The following FBXL7 variants were observed in gnomAD, a reference collection of about 807,000 sequenced individuals.
The protein encoded by FBXL7 is F-box/LRR-repeat protein 7.
A neutral mutation model predicts 38.3 loss-of-function variants in FBXL7; 12 were observed. The observed-to-expected ratio is 0.31, with a 90% CI of 0.20 to 0.51. FBXL7 has a LOEUF of 0.51. Ranked by LOEUF, FBXL7 falls within the 20% of genes least tolerant of loss-of-function variation. The probability of loss-of-function intolerance (pLI) is 0.98; values close to 1 mark genes in which losing one functional copy is unlikely to be tolerated. For synonymous variants in FBXL7, 297 were observed against 300.9 expected (o/e 0.99, Z 0.13); for missense variants, 567 against 676.4 (o/e 0.84, Z 1.79).
rs557471078 is a variant in FBXL7, at chr5:15,913,870, G to A, written c.128-14020G>A. 2.6e-5 allele frequency among the ~76,000 whole-genome samples: 4 copies of A among 152,218 alleles called. No homozygotes were observed. The South Asian group carries it at 6.2e-4, about 24-fold the overall frequency. ...AAGACAGGGAATTAGAAATACTGTC[G>A]CTTCCACACTGTCAAAGAGAAGCCA... On this transcript the variant is annotated intron_variant, in intron 2 of 3. Coordinates refer to ENST00000504595, the MANE Select transcript of FBXL7 (RefSeq NM_012304.5).
chr5:15,839,482 A>G (rs539874127), intron 2 of FBXL7, among the ~76,000 whole-genome samples: 2 of 152,122 alleles, frequency 1.3e-5, no homozygotes, highest in Admixed American at 6.5e-5. Context: ...AATATTGCAT[A>G]TATCTTTTTT....
At chr5:15,825,073 C>G (rs1277839430) in intron 2 of FBXL7, among the ~76,000 whole-genome samples, 1 of 151,926 alleles carries the variant, frequency 6.6e-6, no homozygotes, top group Non-Finnish European at 1.5e-5. Context: ...TTATTTTAAG[C>G]CAAAGTAAAT....
intron 2 of FBXL7, among the ~76,000 whole-genome samples, chr5:15,748,152 G>T (rs1736062737): frequency 6.6e-6 from 1 of 151,926 alleles, no homozygotes; most frequent in South Asian, 2.1e-4. Context: ...GGGAGGGGGT[G>T]AGGTACTACT....
chr5:15,639,380 G>A (rs2126553354), intron 2 of FBXL7, among the ~76,000 whole-genome samples: 1 of 152,234 alleles, frequency 6.6e-6, no homozygotes, highest in South Asian at 2.1e-4. Context: ...ATGGGGGTGG[G>A]TCTTTCCCAT....
intron 2 of FBXL7, among the ~76,000 whole-genome samples, chr5:15,674,232 T>C (rs1047645310): frequency 6.6e-6 from 1 of 152,222 alleles, no homozygotes; most frequent in Non-Finnish European, 1.5e-5. Context: ...ACATATATGA[T>C]GTTAATGTTA....
chr5:15,787,361 G>A (rs1469071684), intron 2 of FBXL7, among the ~76,000 whole-genome samples: 1 of 152,156 alleles, frequency 6.6e-6, no homozygotes, highest in Non-Finnish European at 1.5e-5. Context: ...AGAGCTGCCT[G>A]GAAAGGTCTT....
intron 2 of FBXL7, among the ~76,000 whole-genome samples, chr5:15,746,102 G>A (rs1017132731): frequency 1.3e-5 from 2 of 152,128 alleles, no homozygotes; most frequent in Admixed American, 6.5e-5. Context: ...TGTAGAGTGT[G>A]GTAGAATGAT....
intron 1 of FBXL7, among the ~76,000 whole-genome samples, chr5:15,524,036 G>T (rs188400366): frequency 1.3e-5 from 2 of 152,156 alleles, no homozygotes; most frequent in African/African-American, 2.4e-5. Context: ...TGATATAGGG[G>T]TTTAATTTAG....
At chr5:15,758,277 G>A (rs1180702466) in intron 2 of FBXL7, among the ~76,000 whole-genome samples, 2 of 151,058 alleles carry the variant, frequency 1.3e-5, no homozygotes, top group Non-Finnish European at 2.9e-5. Context: ...TCTTTATATA[G>A]TCTTAAGGCG....
At chr5:15,528,906 T>C (rs915230135) in intron 1 of FBXL7, among the ~76,000 whole-genome samples, 1 of 152,242 alleles carries the variant, frequency 6.6e-6, no homozygotes, top group Admixed American at 6.5e-5. Context: ...TAAACGTGCA[T>C]GACCTCAAAT....
intron 2 of FBXL7, among the ~76,000 whole-genome samples, chr5:15,703,068 G>A (rs1177890675): frequency 6.6e-6 from 1 of 152,200 alleles, no homozygotes; most frequent in Non-Finnish European, 1.5e-5. Flanking sequence ...AATGTCATCA[G>A]TTAAGGCAGG....
intron 2 of FBXL7, among the ~76,000 whole-genome samples, chr5:15,681,046 T>C (rs1742828974): frequency 6.6e-6 from 1 of 152,118 alleles, no homozygotes; most frequent in Admixed American, 6.6e-5. Context: ...AACAAATGAG[T>C]GTGCATAACA....
intron 2 of FBXL7, among the ~76,000 whole-genome samples, chr5:15,810,921 G>A (rs1737844145): frequency 6.6e-6 from 1 of 152,128 alleles, no homozygotes; most frequent in Non-Finnish European, 1.5e-5. Flanking sequence ...CAAAGAAAAT[G>A]TAGACATAGA....
chr5:15,594,700 G>C (rs1739572715), intron 1 of FBXL7, among the ~76,000 whole-genome samples: 2 of 152,226 alleles, frequency 1.3e-5, no homozygotes, highest in South Asian at 4.1e-4. Context: ...CCGGGAATCA[G>C]GTTTTCAGAG....
At chr5:15,878,789 C>T (rs1385779515) in intron 2 of FBXL7, among the ~76,000 whole-genome samples, 1 of 152,124 alleles carries the variant, frequency 6.6e-6, no homozygotes, top group Non-Finnish European at 1.5e-5. Flanking sequence ...ATTAAATGCA[C>T]TTAGGGTCTT....
At chr5:15,813,027 T>G (rs1737910071) in intron 2 of FBXL7, among the ~76,000 whole-genome samples, 1 of 152,234 alleles carries the variant, frequency 6.6e-6, no homozygotes, top group African/African-American at 2.4e-5. Context: ...AAGGAGATTT[T>G]GGGCTGAGAT....
intron 2 of FBXL7, among the ~76,000 whole-genome samples, chr5:15,672,444 A>G (rs1742509250): frequency 6.6e-6 from 1 of 152,044 alleles, no homozygotes; most frequent in African/African-American, 2.4e-5. Context: ...CAGTGTTTTC[A>G]TTTAGTTTCT....
At chr5:15,578,315 T>TG (rs1332846287) in intron 1 of FBXL7, among the ~76,000 whole-genome samples, 1 of 151,770 alleles carries the variant, frequency 6.6e-6, no homozygotes, top group African/African-American at 2.4e-5. Context: ...AGCAATGTAT[T>TG]GAAAAAAAAA....
At chr5:15,641,125 G>T (rs1175883670) in intron 2 of FBXL7, among the ~76,000 whole-genome samples, 1 of 152,108 alleles carries the variant, frequency 6.6e-6, no homozygotes, top group Non-Finnish European at 1.5e-5. Flanking sequence ...ACACTCTCCA[G>T]GTATTTTATA....
Sources: gnomAD v4.1 joint callset for allele counts (sites outside exome capture counted in the v4.1 genomes callset) on GRCh38, gnomAD v4.1.1 for gene constraint, MANE v1.5 for transcripts, NCBI Gene and HGNC (gene_info 2026-07-23, HGNC 2026-07-21) for gene names.